Variants in CCNC observed in about 807,000 individuals in gnomAD.
CCNC encodes cyclin-C.
Under a neutral mutation model 50.0 loss-of-function variants are expected in CCNC, and 19 were observed. That is an observed-to-expected ratio of 0.38 (90% CI 0.27 to 0.56). The LOEUF (loss-of-function observed/expected upper bound fraction) is 0.56, where lower values mean the gene tolerates loss of function less well. Ranked by LOEUF, CCNC falls within the 20% of genes least tolerant of loss-of-function variation. The pLI, the probability that CCNC is intolerant of heterozygous loss-of-function variation, is 0.72. For synonymous variants in CCNC, 93 were observed against 103.7 expected, an observed-to-expected ratio of 0.90 and a Z score of 0.63; for missense variants, 200 against 327.1, an observed-to-expected ratio of 0.61 and a Z score of 3.00.
At chr6:99,567,440 CAT>C (rs1554263411) in intron 1 of CCNC, among the ~76,000 whole-genome samples, 1 of 151,894 alleles carries the variant, frequency 6.6e-6, no homozygotes, top group Non-Finnish European at 1.5e-5. Flanking sequence ...CACACACACA[CAT>C]ATGATCAGTG....
At chr6:99,567,041 AT>A in intron 1 of CCNC, 1 of 403,266 alleles carries the variant, frequency 2.5e-6, no homozygotes, top group Non-Finnish European at 4.9e-6. Context: ...TTTTAGGACT[AT>A]TTGAATTGGG....
intron 2 of CCNC, 113 bp from the exon 3 acceptor site, chr6:99,561,794 G>A: frequency 1.4e-6 from 1 of 690,712 alleles, no homozygotes; most frequent in Non-Finnish European, 2.5e-6. Flanking sequence ...TTTAACAAAG[G>A]AAAAAACCTA....
intron 11 of CCNC, among the ~76,000 whole-genome samples, chr6:99,544,745 GAAAAA>G (rs34449935): frequency 1.6e-5 from 2 of 122,522 alleles, no homozygotes; most frequent in Admixed American, 8.1e-5. Context: ...AGCCAGCAGT[GAAAAA>G]AAAAAAAAAA....
At position 99,558,489 on chromosome 6, in the gene CCNC, G is replaced by A; in HGVS notation, c.346+8C>T. On this transcript the variant is annotated splice_region_variant and intron_variant, in intron 5 of 11. Transcript: ENST00000520429. ...CATCCTTAAAGCAGATATACTTTTTGCACTTACATACAGAAGTAGCAGCAG... is the reference window on the plus strand; with the variant it reads ...CATCCTTAAAGCAGATATACTTTTTACACTTACATACAGAAGTAGCAGCAG... The A allele has an allele frequency of 6.2e-7, 1 of 1,609,046 alleles. No homozygotes were observed. Among genetic ancestry groups the A allele is most frequent in the East Asian group, 2.2e-5 (1 of 44,624 alleles).
intron 4 of CCNC, among the ~76,000 whole-genome samples, chr6:99,560,994 G>A (rs555221138): frequency 2.0e-5 from 3 of 152,188 alleles, no homozygotes; most frequent in African/African-American, 7.2e-5. Flanking sequence ...AGGCAGCAGA[G>A]GAAAGTAGTT....
At chr6:99,549,623 C>A in intron 8 of CCNC, 48 bp from the exon 9 acceptor site, 1 of 1,196,188 alleles carries the variant, frequency 8.4e-7, no homozygotes, top group Non-Finnish European at 1.2e-6. Context: ...ACTACCTCAT[C>A]TGATTGTATA....
At chr6:99,568,390 C>G in intron 1 of CCNC, 106 bp downstream of exon 1, 1 of 1,133,344 alleles carries the variant, frequency 8.8e-7, no homozygotes, top group Non-Finnish European at 1.3e-6. Flanking sequence ...GTGAGGACCC[C>G]GGCACTCGGA....
intron 4 of CCNC, among the ~76,000 whole-genome samples, 173 bp from the exon 5 acceptor site, chr6:99,558,721 C>T (rs1802649945): frequency 6.6e-6 from 1 of 152,126 alleles, no homozygotes; most frequent in Non-Finnish European, 1.5e-5. Context: ...ATCTGACATG[C>T]TTAGGATCAG....
intron 4 of CCNC, among the ~76,000 whole-genome samples, chr6:99,559,638 T>C (rs1236481687): frequency 8.4e-6 from 1 of 118,748 alleles, no homozygotes; most frequent in Non-Finnish European, 1.7e-5. Context: ...TACAGAAAGA[T>C]TTGGTCACAG....
intron 8 of CCNC, 104 bp downstream of exon 8, chr6:99,550,113 TG>T: frequency 1.3e-6 from 1 of 746,916 alleles, no homozygotes; most frequent in Non-Finnish European, 2.2e-6. Flanking sequence ...TAAAATATCT[TG>T]GGGCAATAGT....
intron 5 of CCNC, among the ~76,000 whole-genome samples, chr6:99,552,329 AT>A (rs1554262327): frequency 6.6e-6 from 1 of 152,194 alleles, no homozygotes; most frequent in Non-Finnish European, 1.5e-5. Context: ...CACCAAAAAA[AT>A]GTTAACAGTG....
chr6:99,559,534 A>G (rs1470642344), intron 4 of CCNC, among the ~76,000 whole-genome samples: 1 of 152,118 alleles, frequency 6.6e-6, no homozygotes, highest in Non-Finnish European at 1.5e-5. Flanking sequence ...TTTACATTTA[A>G]ACCTCCAACT....
In CCNC at chr6:99,561,623, C is replaced by T. The variant is rs142699138; in HGVS notation, c.198G>A (p.Thr66=). 385 of 1,609,474 alleles carry T rather than the reference C, an allele frequency of 2.4e-4. No individual in the cohort carries two copies. The highest frequency in any genetic ancestry group is 3.0e-4 in the Admixed American group (18 of 59,858). ...TGGCATAGAATCTCTTGAAATATAC[C>T]GTAGCAGTGGCAATAACTTGTTGTC... ...KLRQQVIATA[T]VYFKRFYARY... Residue 66 remains threonine, a synonymous_variant, in exon 3 of 12, where the codon ACG becomes ACA. Coordinates refer to ENST00000520429, the MANE Select transcript of CCNC (RefSeq NM_005190.4).
At chr6:99,544,892 A>C (rs908870489) in intron 11 of CCNC, among the ~76,000 whole-genome samples, 2 of 152,166 alleles carry the variant, frequency 1.3e-5, no homozygotes, top group African/African-American at 4.8e-5. Context: ...AGATACCTGT[A>C]ATATACCTCC....
rs922633315 is a variant in CCNC at position 99,543,414 on chromosome 6, T to C, written c.*141A>G. On this transcript the variant is annotated 3_prime_UTR_variant, in exon 12 of 12. Coordinates refer to ENST00000520429, the MANE Select transcript of CCNC (RefSeq NM_005190.4). The stretch of plus-strand genomic sequence containing the variant: ...TAGAATCATATTAAAGAAAAACTTA[T>C]TTTGCAAAAATAAAATCACTTTCCA... 1.2e-5 allele frequency: 10 copies of C among 829,534 alleles called. No individual in the cohort carries two copies. The highest frequency in any genetic ancestry group is 2.4e-4 in the Middle Eastern group (1 of 4,152). The allele number at this position is 829,534 out of a possible 1,614,324, so 51.4% of individuals were successfully genotyped here.
At chr6:99,546,369 A>G in intron 10 of CCNC, 26 bp downstream of exon 10, 3 of 1,482,282 alleles carry the variant, frequency 2.0e-6, no homozygotes. Context: ...TTAAACATCC[A>G]AGTTTACATA....
At chr6:99,546,585 A>C in intron 9 of CCNC, 111 bp from the exon 10 acceptor site, 1 of 693,676 alleles carries the variant, frequency 1.4e-6, no homozygotes. Flanking sequence ...TCTTTAAAAA[A>C]CATTAAACAG....
intron 9 of CCNC, chr6:99,549,173 C>T (rs559899730): frequency 2.8e-6 from 1 of 360,112 alleles, no homozygotes; most frequent in South Asian, 2.6e-5. Context: ...GATATGAAAG[C>T]CCCAATTATT....
intron 9 of CCNC, among the ~76,000 whole-genome samples, chr6:99,548,751 C>A (rs9494698): frequency 7.0e-6 from 1 of 143,470 alleles, no homozygotes; most frequent in South Asian, 2.2e-4. Context: ...TGCAGTGAGC[C>A]AAGATCACAC....
Sources: allele counts gnomAD v4.1 joint callset (sites outside exome capture counted in the v4.1 genomes callset), GRCh38; gene constraint gnomAD v4.1.1; transcripts MANE v1.5; gene names NCBI Gene and HGNC (gene_info 2026-07-23, HGNC 2026-07-21).